Variants in CFH observed in about 807,000 individuals in gnomAD.
CFH encodes H factor 1 (complement).
CFH carries 53 observed loss-of-function variants against 147.3 expected under a neutral mutation model. The observed-to-expected ratio is 0.36, with a 90% CI of 0.29 to 0.45. The LOEUF is 0.45. Among genes scored for constraint, CFH ranks in the 20% least tolerant of loss-of-function variants. The pLI, the probability that CFH is intolerant of heterozygous loss-of-function variation, is 1.00. For synonymous variants in CFH, 536 were observed against 489.4 expected (o/e 1.10, Z -1.26); for missense variants, 1,380 against 1,498.0 (o/e 0.92, Z 1.30).
At chr1:196,723,205 T>C (rs1000438444) in intron 11 of CFH, among the ~76,000 whole-genome samples, 3 of 152,164 alleles carry the variant, frequency 2.0e-5, no homozygotes, top group African/African-American at 7.2e-5. Flanking sequence ...AACTATCCCT[T>C]CTTATTTTTA....
At chr1:196,705,331 C>T (rs1033325929) in intron 9 of CFH, among the ~76,000 whole-genome samples, 1 of 152,096 alleles carries the variant, frequency 6.6e-6, no homozygotes, top group South Asian at 2.1e-4. Context: ...TGGAGAGAAG[C>T]TCTTGTCAGG....
intron 9 of CFH, among the ~76,000 whole-genome samples, chr1:196,698,740 C>T (rs1466278784): frequency 1.3e-5 from 2 of 152,168 alleles, no homozygotes; most frequent in Non-Finnish European, 2.9e-5. Context: ...CCAGCATCAT[C>T]CTGATACCAA....
At position 196,737,620 on chromosome 1, in the gene CFH, A is replaced by T; in HGVS notation, c.2742A>T (p.Thr914=). 6.2e-7 allele frequency: 1 copy of T among 1,613,522 alleles called. No homozygotes were observed. The highest frequency in any genetic ancestry group is 8.5e-7 in the Non-Finnish European group (1 of 1,179,644). The change falls in exon 17 of 22, where the codon ACA becomes ACT. Residue 914 remains threonine (T), a synonymous_variant. Transcript: ENST00000367429. ...GGATATCTGAAGAAAATGAAACAAC[A>T]TGCTACATGGGAAAATGGAGTTCTC... ...GFRISEENET[T]CYMGKWSSPP... is the part of the protein sequence containing the mutation.
intron 1 of CFH, among the ~76,000 whole-genome samples, chr1:196,670,574 G>A (rs891274644): frequency 6.6e-6 from 1 of 152,152 alleles, no homozygotes; most frequent in Non-Finnish European, 1.5e-5. Context: ...ATCATGTGAA[G>A]AGGTCTTTCC....
At chr1:196,672,887 G>C in intron 1 of CFH, 91 bp from the exon 2 acceptor site, 1 of 1,021,262 alleles carries the variant, frequency 9.8e-7, no homozygotes, top group South Asian at 1.5e-5. Context: ...ACCTGTGACT[G>C]TCTAGGCATT....
intron 18 of CFH, chr1:196,741,069 C>T (rs1454341748): frequency 9.5e-6 from 4 of 420,358 alleles, no homozygotes; most frequent in South Asian, 7.6e-5. Context: ...TGCCTCTACT[C>T]ATCAATCTCC....
intron 9 of CFH, among the ~76,000 whole-genome samples, chr1:196,691,062 TG>T (rs1377102664): frequency 2.6e-5 from 4 of 152,082 alleles, no homozygotes; most frequent in Admixed American, 6.6e-5. Flanking sequence ...GAAAATGATT[TG>T]GGGGCTGCCT....
chr1:196,715,614 T>C lies in CFH; in HGVS notation c.1541T>C (p.Phe514Ser), dbSNP rs1049116688. Residue 514 changes from phenylalanine (F) to serine (S), a missense_variant, in exon 11 of 22, where the codon TTT becomes TCT. Phe to Ser is a radical substitution (Grantham distance 155). This residue lies in a region of CFH where 830 missense variants were observed against 821.4 expected (regional missense o/e 1.01). Coordinates refer to ENST00000367429, the MANE Select transcript of CFH (RefSeq NM_000186.4). ...CTAGAATCTTGTGATATCCCAGTATTTATGAATGCCAGAACTAAAAATGAC... is the reference window on the plus strand; with the variant it reads ...CTAGAATCTTGTGATATCCCAGTATCTATGAATGCCAGAACTAAAAATGAC... ...TCIKSCDIPV[F>S]MNARTKNDFT... The C allele has an allele frequency of 1.2e-6, 2 of 1,612,378 alleles. No homozygotes were observed. Among genetic ancestry groups the C allele is most frequent in the Non-Finnish European group, 1.7e-6 (2 of 1,178,866 alleles).
At position 196,736,995 on chromosome 1, in the gene CFH, C is replaced by T. The variant is rs1228894715; in HGVS notation, c.2585C>T (p.Pro862Leu). 3 of 1,608,384 alleles carry T rather than the reference C, an allele frequency of 1.9e-6. No homozygotes were observed. Among genetic ancestry groups the T allele is most frequent in the African/African-American group, 2.7e-5 (2 of 74,706 alleles). Residue 862 changes from proline to leucine, a missense_variant, in exon 16 of 22, where the codon CCA (proline) becomes CTA (leucine). Physicochemically the swap from Pro to Leu is moderately conservative, Grantham distance 98. Transcript: ENST00000367429. Reference protein sequence around the residue: ...TCKDGRWQSIPLCVEKIPCSQ... With the variant: ...TCKDGRWQSILLCVEKIPCSQ... The stretch of plus-strand genomic sequence containing the variant: ...AAAGATGGAAGATGGCAGTCAATAC[C>T]ACTCTGTGTTGGTCAGTAGTGTATA...
At chr1:196,705,731 T>C (rs1485565862) in intron 9 of CFH, among the ~76,000 whole-genome samples, 1 of 152,124 alleles carries the variant, frequency 6.6e-6, no homozygotes, top group Non-Finnish European at 1.5e-5. Context: ...ACTTGTGATC[T>C]TCTCCAGGAG....
chr1:196,695,227 C>G lies in CFH; in HGVS notation c.1336+4988C>G, dbSNP rs528769972. Among the ~76,000 whole-genome samples, 3 of 152,252 alleles carry G rather than the reference C, an allele frequency of 2.0e-5. No homozygotes were observed. The South Asian group carries it at 6.2e-4, about 32-fold the overall frequency. Reference sequence around the variant, plus strand: ...TCCAGTTTCAGTTTTCTGCATATGGCTAGCCAATTTTCCCTGCACCATTTA... The same window carrying G: ...TCCAGTTTCAGTTTTCTGCATATGGGTAGCCAATTTTCCCTGCACCATTTA... On this transcript the variant is annotated intron_variant, in intron 9 of 21. Coordinates refer to ENST00000367429, the MANE Select transcript of CFH (RefSeq NM_000186.4).
At position 196,725,249 on chromosome 1, in the gene CFH, G is replaced by A. The variant is rs148165372; in HGVS notation, c.1825G>A (p.Val609Ile). The change falls in exon 12 of 22, where the codon GTT becomes ATT. Residue 609 changes from valine to isoleucine, a missense_variant. By Grantham distance (29) the Val-to-Ile change is conservative. Coordinates refer to ENST00000367429, the MANE Select transcript of CFH (RefSeq NM_000186.4). ...ATTTACAATAGTTGGACCTAATTCC[G>A]TTCAGTGCTACCACTTTGGATTGTC... is the stretch of plus-strand genomic sequence containing the variant. ...PGFTIVGPNS[V>I]QCYHFGLSPD... 1,226 of 1,613,884 alleles carry A rather than the reference G, an allele frequency of 7.6e-4. 2 individuals are homozygous for A. The highest frequency in any genetic ancestry group is 9.6e-4 in the Non-Finnish European group (1,131 of 1,179,872).
At chr1:196,701,493 G>A (rs1668448070) in intron 9 of CFH, 6 of 1,057,964 alleles carry the variant, frequency 5.7e-6, no homozygotes, top group Middle Eastern at 2.8e-4. Flanking sequence ...AATGGGAAAT[G>A]CTAATTCAGC....
rs140666547 is a variant in CFH at position 196,709,334 on chromosome 1, C to A, written c.1337-4401C>A. On this transcript the variant is annotated intron_variant, in intron 9 of 21. Coordinates refer to ENST00000367429, the MANE Select transcript of CFH (RefSeq NM_000186.4). Reference sequence around the variant, plus strand: ...TTAAATATTACAATAAAACCATAGACTGAAGTACTAACATGTTCATCCAGC... The same window carrying A: ...TTAAATATTACAATAAAACCATAGAATGAAGTACTAACATGTTCATCCAGC... Among the ~76,000 whole-genome samples the A allele has an allele frequency of 1.2e-3, 176 of 152,204 alleles. 1 individual carries two copies. Among genetic ancestry groups the A allele is most frequent in the African/African-American group, 3.9e-3 (160 of 41,534 alleles).
chr1:196,661,027 A>C (rs1666879946), intron 1 of CFH, among the ~76,000 whole-genome samples: 1 of 152,220 alleles, frequency 6.6e-6, no homozygotes, highest in Non-Finnish European at 1.5e-5. Context: ...TTTGAAAGTG[A>C]AAAACAAACA....
At chr1:196,661,858 C>T (rs1227084592) in intron 1 of CFH, among the ~76,000 whole-genome samples, 1 of 152,158 alleles carries the variant, frequency 6.6e-6, no homozygotes, top group Non-Finnish European at 1.5e-5. Context: ...AATCTCCTAT[C>T]TACCTACTTA....
intron 19 of CFH, among the ~76,000 whole-genome samples, chr1:196,742,298 C>A (rs1260533679): frequency 3.3e-5 from 5 of 152,122 alleles, no homozygotes; most frequent in African/African-American, 9.7e-5. Context: ...ATCGCTTGAA[C>A]CAGGGAGATG....
intron 7 of CFH, among the ~76,000 whole-genome samples, chr1:196,685,728 C>T (rs935631292): frequency 6.6e-6 from 1 of 152,008 alleles, no homozygotes; most frequent in Admixed American, 6.6e-5. Context: ...GGAGGATCTG[C>T]TTCTAACATT....
In CFH at chr1:196,747,229, A is replaced by G. The variant is rs1653045763; in HGVS notation, c.3612A>G (p.Gly1204=). ...GESVEFVCKR[G]YRLSSRSHTL... is the part of the protein sequence containing the mutation. ...CAGTTGAATTTGTGTGTAAACGGGG[A>G]TATCGTCTTTCATCACGTTCTCACA... Residue 1204 remains glycine, a synonymous_variant, in exon 22 of 22, where the codon GGA becomes GGG. Coordinates refer to ENST00000367429, the MANE Select transcript of CFH (RefSeq NM_000186.4). 4.3e-6 allele frequency: 7 copies of G among 1,613,798 alleles called. No homozygotes were observed. The highest frequency in any genetic ancestry group is 1.3e-5 in the African/African-American group (1 of 74,894).
Sources: gnomAD v4.1 joint callset for allele counts (sites outside exome capture counted in the v4.1 genomes callset) on GRCh38, gnomAD v4.1.1 for gene constraint, gnomAD v4.1.1 regional missense constraint, MANE v1.5 for transcripts, NCBI Gene and HGNC (gene_info 2026-07-23, HGNC 2026-07-21) for gene names.